EBF2: variants seen among roughly 807,000 people sequenced by gnomAD.
The protein encoded by EBF2 is transcription factor COE2.
Under a neutral mutation model 72.8 loss-of-function variants are expected in EBF2, and 21 were observed. The observed-to-expected ratio is 0.29, with a 90% CI of 0.20 to 0.42. The LOEUF (loss-of-function observed/expected upper bound fraction) is 0.42. EBF2 is among the 10% of genes least tolerant of loss of function. The pLI is 1.00. For synonymous variants in EBF2, 299 were observed against 274.2 expected (o/e 1.09, Z -0.89); for missense variants, 637 against 731.2 (o/e 0.87, Z 1.49).
At chr8:26,033,063 A>G (rs377221496) in intron 6 of EBF2, 22 bp downstream of exon 6, 2 of 1,610,546 alleles carry the variant, frequency 1.2e-6, no homozygotes, top group African/African-American at 1.3e-5. Flanking sequence ...AAAATGATTG[A>G]AAAATCACTT....
chr8:25,888,426 G>T (rs1415685788), intron 8 of EBF2, among the ~76,000 whole-genome samples: 1 of 152,108 alleles, frequency 6.6e-6, no homozygotes, highest in African/African-American at 2.4e-5. Context: ...AAAACACTTA[G>T]GTAATTGTGC....
chr8:25,989,605 C>T (rs1378610192), intron 6 of EBF2, among the ~76,000 whole-genome samples: 1 of 152,208 alleles, frequency 6.6e-6, no homozygotes, highest in African/African-American at 2.4e-5. Context: ...GATTCAGATA[C>T]ATGACAACGC....
intron 10 of EBF2, among the ~76,000 whole-genome samples, chr8:25,881,399 C>T (rs1038815518): frequency 3.3e-5 from 5 of 152,174 alleles, no homozygotes; most frequent in Non-Finnish European, 7.3e-5. Flanking sequence ...CTAAATCCTC[C>T]CCATCAACTC....
intron 6 of EBF2, among the ~76,000 whole-genome samples, chr8:25,961,109 C>G (rs751703022): frequency 6.6e-6 from 1 of 151,802 alleles, no homozygotes; most frequent in Non-Finnish European, 1.5e-5. Context: ...TGCACATATG[C>G]GTGAAAAAGA....
At chr8:25,849,965 C>G (rs920271921) in intron 15 of EBF2, among the ~76,000 whole-genome samples, 1 of 152,096 alleles carries the variant, frequency 6.6e-6, no homozygotes, top group Admixed American at 6.5e-5. Flanking sequence ...CCTGGGGTGA[C>G]TGGGCATTTT....
At chr8:25,893,270 CATTTTTTTTTTTT>C (rs1802812993) in intron 7 of EBF2, among the ~76,000 whole-genome samples, 1 of 122,738 alleles carries the variant, frequency 8.1e-6, no homozygotes, top group African/African-American at 2.9e-5. Flanking sequence ...TTAATTCTTC[CATTTTTTTTTTTT>C]TTTTTTTTTT....
chr8:25,861,395 G>A, intron 11 of EBF2, 21 bp from the exon 12 acceptor site: 13 of 1,613,618 alleles, frequency 8.1e-6, no homozygotes, highest in Non-Finnish European at 1.1e-5. Context: ...AGCGAGGATG[G>A]GATATTGTCA....
intron 6 of EBF2, among the ~76,000 whole-genome samples, chr8:25,982,894 A>G (rs1048898139): frequency 1.3e-5 from 2 of 151,670 alleles, no homozygotes; most frequent in South Asian, 4.2e-4. Context: ...ATGTGTAATT[A>G]CATATCAATA....
intron 10 of EBF2, among the ~76,000 whole-genome samples, chr8:25,873,807 A>G (rs974204822): frequency 6.6e-6 from 1 of 152,192 alleles, no homozygotes. Flanking sequence ...GCCACAATGG[A>G]GCAGTTATAA....
chr8:26,022,514 C>T (rs970965232), intron 6 of EBF2, among the ~76,000 whole-genome samples: 1 of 152,156 alleles, frequency 6.6e-6, no homozygotes, highest in African/African-American at 2.4e-5. Flanking sequence ...CTTGTGAGTC[C>T]TCTGTTTTAA....
At chr8:25,952,697 A>G (rs890753240) in intron 6 of EBF2, among the ~76,000 whole-genome samples, 10 of 152,144 alleles carry the variant, frequency 6.6e-5, no homozygotes, top group South Asian at 2.1e-4. Flanking sequence ...TGCAAGTTTT[A>G]TGCTCTATTT....
intron 6 of EBF2, among the ~76,000 whole-genome samples, chr8:25,960,798 T>A (rs1220587716): frequency 6.6e-6 from 1 of 152,214 alleles, no homozygotes; most frequent in East Asian, 1.9e-4. Flanking sequence ...CACTGCTAAA[T>A]TCTTTAGAAA....
intron 6 of EBF2, among the ~76,000 whole-genome samples, chr8:25,975,437 T>C (rs541188438): frequency 6.6e-6 from 1 of 152,290 alleles, no homozygotes; most frequent in East Asian, 1.9e-4. Flanking sequence ...AGGATAAAAT[T>C]CAGATGTACA....
rs1003635741 is a variant in EBF2 at position 26,004,046 on chromosome 8, T to G, written c.551+29039A>C. On this transcript the variant is annotated intron_variant, in intron 6 of 15. Coordinates refer to ENST00000520164, the MANE Select transcript of EBF2 (RefSeq NM_022659.4). ...TGTGGAGGACTTTCACTTCTAGGTG[T>G]CGTTTAATTATTGAATTGGTATTTT... Among the ~76,000 whole-genome samples the G allele has an allele frequency of 7.9e-5, 12 of 151,976 alleles. No homozygotes were observed. In the East Asian group the frequency reaches 2.3e-3, roughly 30 times the overall value.
intron 6 of EBF2, among the ~76,000 whole-genome samples, chr8:25,919,319 G>A (rs1251216808): frequency 1.3e-5 from 2 of 152,150 alleles, no homozygotes; most frequent in African/African-American, 4.8e-5. Context: ...GCAAGTTGAG[G>A]AAGACTCCAG....
intron 7 of EBF2, among the ~76,000 whole-genome samples, chr8:25,891,465 G>C (rs1279890189): frequency 6.6e-6 from 1 of 152,072 alleles, no homozygotes; most frequent in Non-Finnish European, 1.5e-5. Context: ...AAAATGAAGA[G>C]TCGTGTTTAA....
Position 25,904,549 on chromosome 8 carries a change from T to G in EBF2, c.633+3925A>C, listed in dbSNP as rs2117309206. On this transcript the variant is annotated intron_variant, in intron 7 of 15. Transcript: ENST00000520164. ...CACGAAAGAATCCTTCATATTAAAT[T>G]TATGTTTGATCATATCACAAAAGTA... is the stretch of plus-strand genomic sequence containing the variant. Among the ~76,000 whole-genome samples the G allele has an allele frequency of 2.0e-5, 3 of 152,296 alleles. No homozygotes were observed. In the Middle Eastern group the frequency reaches 0.01, roughly 518 times the overall value.
intron 6 of EBF2, among the ~76,000 whole-genome samples, chr8:26,025,061 T>C (rs1805278775): frequency 6.6e-6 from 1 of 152,162 alleles, no homozygotes; most frequent in Non-Finnish European, 1.5e-5. Flanking sequence ...TTTGAGGAAG[T>C]AGAATCTGAA....
rs56316235 is a variant in EBF2 at position 25,932,042 on chromosome 8, C to T, written c.552-23487G>A. On this transcript the variant is annotated intron_variant, in intron 6 of 15. Coordinates refer to ENST00000520164, the MANE Select transcript of EBF2 (RefSeq NM_022659.4). ...TATGAAACAAGGGATCTGGGTGAGG[C>T]TTCCCTGCTCTGTCTTCTGCCATAT... Among the ~76,000 whole-genome samples, 358 of 152,172 alleles carry T rather than the reference C, an allele frequency of 2.4e-3. 2 individuals are homozygous for T. Among genetic ancestry groups the T allele is most frequent in the African/African-American group, 8.2e-3 (341 of 41,522 alleles).
Sources: allele counts gnomAD v4.1 joint callset (sites outside exome capture counted in the v4.1 genomes callset), GRCh38; gene constraint gnomAD v4.1.1; transcripts MANE v1.5; gene names NCBI Gene and HGNC (gene_info 2026-07-23, HGNC 2026-07-21).